The following PDE8B variants were observed in gnomAD, a reference collection of about 807,000 sequenced individuals.
The protein encoded by PDE8B is phosphodiesterase 8B, also known as high affinity cAMP-specific and IBMX-insensitive 3',5'-cyclic phosphodiesterase 8B.
Under a neutral mutation model 101.3 loss-of-function variants are expected in PDE8B, and 26 were observed. That is an observed-to-expected ratio of 0.26 (90% confidence interval 0.19 to 0.36). The LOEUF (loss-of-function observed/expected upper bound fraction) is 0.36, where lower values mean the gene tolerates loss of function less well. PDE8B is among the 10% of genes least tolerant of loss of function. The pLI is 1.00. For synonymous variants in PDE8B, 424 were observed against 429.3 expected, an observed-to-expected ratio of 0.99 and a Z score of 0.15; for missense variants, 810 against 1,163.1, an observed-to-expected ratio of 0.70 and a Z score of 4.42.
the PDE8B span, among the ~76,000 whole-genome samples, chr5:77,180,969 T>A: frequency 2.0e-5 from 1 of 49,360 alleles, no homozygotes; most frequent in Non-Finnish European, 4.7e-5. Context: ...TGTGTACACG[T>A]GTGTGTGTGT....
intron 1 of PDE8B, among the ~76,000 whole-genome samples, chr5:77,244,555 T>C (rs1756474185): frequency 6.6e-6 from 1 of 151,984 alleles, no homozygotes; most frequent in South Asian, 2.1e-4. Flanking sequence ...CCTCAGTATA[T>C]TGTATAGAAA....
At chr5:77,282,641 G>T (rs1431124079) in intron 1 of PDE8B, among the ~76,000 whole-genome samples, 1 of 152,030 alleles carries the variant, frequency 6.6e-6, no homozygotes, top group East Asian at 1.9e-4. Flanking sequence ...GCCTGCAGCG[G>T]CTGGACTCCT....
intron 1 of PDE8B, among the ~76,000 whole-genome samples, chr5:77,269,102 C>T (rs956547493): frequency 1.3e-5 from 2 of 151,806 alleles, no homozygotes; most frequent in Non-Finnish European, 2.9e-5. Context: ...CAACAGTGTA[C>T]GAGGGTTCCC....
intron 1 of PDE8B, among the ~76,000 whole-genome samples, chr5:77,310,273 C>A (rs967137981): frequency 2.6e-5 from 4 of 152,176 alleles, no homozygotes; most frequent in African/African-American, 9.6e-5. Context: ...TTTTAATCAG[C>A]GTTCTGGCAG....
At chr5:77,368,701 G>C (rs1298546217) in intron 10 of PDE8B, among the ~76,000 whole-genome samples, 3 of 152,126 alleles carry the variant, frequency 2.0e-5, no homozygotes, top group Non-Finnish European at 2.9e-5. Context: ...GACTAAATTA[G>C]ATTACCTGAA....
intron 1 of PDE8B, among the ~76,000 whole-genome samples, chr5:77,287,030 G>T (rs1477765996): frequency 6.6e-6 from 1 of 152,098 alleles, no homozygotes; most frequent in Non-Finnish European, 1.5e-5. Context: ...AATCCCAGAA[G>T]AAATTACTGT....
At chr5:77,408,598 T>A (rs1236848038) in intron 13 of PDE8B, among the ~76,000 whole-genome samples, 1 of 150,200 alleles carries the variant, frequency 6.7e-6, no homozygotes, top group Non-Finnish European at 1.5e-5. Flanking sequence ...AGCGAGAGAG[T>A]GAGAGAGGGG....
chr5:77,355,297 A>G (rs180912281), intron 10 of PDE8B, among the ~76,000 whole-genome samples: 8 of 152,324 alleles, frequency 5.3e-5, no homozygotes, highest in Admixed American at 2.6e-4. Flanking sequence ...ACGTCACCTA[A>G]TGGTACTGCA....
At chr5:77,317,292 G>C (rs147853758) in intron 2 of PDE8B, among the ~76,000 whole-genome samples, 1 of 152,228 alleles carries the variant, frequency 6.6e-6, no homozygotes, top group Non-Finnish European at 1.5e-5. Flanking sequence ...AAACTATTCT[G>C]TTGCTTCACT....
intron 9 of PDE8B, among the ~76,000 whole-genome samples, chr5:77,351,354 C>T (rs77312696): frequency 2.0e-5 from 3 of 152,146 alleles, no homozygotes; most frequent in Non-Finnish European, 4.4e-5. Context: ...GAAGCATCAC[C>T]CCAACCTCCC....
chr5:77,318,067 A>C (rs571739361), intron 2 of PDE8B, among the ~76,000 whole-genome samples: 10 of 149,960 alleles, frequency 6.7e-5, no homozygotes, highest in Non-Finnish European at 1.3e-4. Flanking sequence ...AAAAAAAAAA[A>C]AAAAAAAAAA....
At chr5:77,185,768 G>C in the PDE8B span, among the ~76,000 whole-genome samples, 1 of 151,698 alleles carries the variant, frequency 6.6e-6, no homozygotes, top group African/African-American at 2.4e-5. Flanking sequence ...TTATTTTTCT[G>C]AATTCCCTGG....
chr5:77,363,084 C>T (rs1224139550), intron 10 of PDE8B, among the ~76,000 whole-genome samples: 1 of 152,172 alleles, frequency 6.6e-6, no homozygotes, highest in Non-Finnish European at 1.5e-5. Context: ...AGATGTCTTT[C>T]GTGTTGACAC....
chr5:77,265,214 A>G (rs1053777173), intron 1 of PDE8B, among the ~76,000 whole-genome samples: 1 of 152,314 alleles, frequency 6.6e-6, no homozygotes, highest in South Asian at 2.1e-4. Context: ...CAGCTAACCC[A>G]GAAACCAAGA....
At chr5:77,157,812 G>A in the PDE8B span, among the ~76,000 whole-genome samples, 1 of 152,164 alleles carries the variant, frequency 6.6e-6, no homozygotes, top group Non-Finnish European at 1.5e-5. Flanking sequence ...AGGTCACCAG[G>A]TTTCTGCCTC....
chr5:77,355,592 A>G (rs557342978), intron 10 of PDE8B, among the ~76,000 whole-genome samples: 2 of 152,272 alleles, frequency 1.3e-5, no homozygotes, highest in African/African-American at 4.8e-5. Flanking sequence ...CTTTTCCTGT[A>G]TGAGCCCTGT....
chr5:77,131,772 C>A, the PDE8B span, among the ~76,000 whole-genome samples: 5 of 152,142 alleles, frequency 3.3e-5, no homozygotes, highest in African/African-American at 1.2e-4. Context: ...GTGATCTTAA[C>A]AAAAGGCTTT....
At chr5:77,423,093 TAAGA>T in intron 20 of PDE8B, among the ~76,000 whole-genome samples, 1 of 152,244 alleles carries the variant, frequency 6.6e-6, no homozygotes. Context: ...CTACCACTTC[TAAGA>T]AAGAACATGT....
chr5:77,332,040 C>A (rs951881880), intron 5 of PDE8B, among the ~76,000 whole-genome samples: 4 of 152,118 alleles, frequency 2.6e-5, no homozygotes, highest in Admixed American at 2.6e-4. Context: ...AATAACCAAG[C>A]TCACCCAGCA....
Sources: gnomAD v4.1 joint callset for allele counts (sites outside exome capture counted in the v4.1 genomes callset) on GRCh38, gnomAD v4.1.1 for gene constraint, MANE v1.5 for transcripts, NCBI Gene and HGNC (gene_info 2026-07-23, HGNC 2026-07-21) for gene names.